NRG1: variants seen among roughly 807,000 people sequenced by gnomAD.
NRG1 encodes neuregulin 1.
In NRG1, 18 loss-of-function variants were observed where a neutral mutation model predicts 63.8. The observed-to-expected ratio is 0.28, with a 90% CI of 0.19 to 0.42. The LOEUF is 0.42. NRG1 is among the 10% of genes least tolerant of loss of function. The pLI is 1.00. For missense variants in NRG1, 762 were observed against 814.7 expected (o/e 0.94, Z 0.79); for synonymous variants, 302 against 301.3 (o/e 1.00, Z -0.02).
At chr8:31,966,122 A>G (rs1238411701) in intron 1 of NRG1, among the ~76,000 whole-genome samples, 2 of 152,160 alleles carry the variant, frequency 1.3e-5, no homozygotes, top group African/African-American at 4.8e-5. Flanking sequence ...AAAAAGAAAC[A>G]AGCATTGTGA....
chr8:32,665,251 T>A (rs565678537), intron 5 of NRG1, among the ~76,000 whole-genome samples: 2 of 152,298 alleles, frequency 1.3e-5, no homozygotes, highest in Non-Finnish European at 2.9e-5. Flanking sequence ...GCATAGTATA[T>A]CCATGGCATC....
intron 11 of NRG1, 66 bp downstream of exon 11, chr8:32,760,472 C>T (rs183568856): frequency 1.2e-5 from 19 of 1,601,344 alleles, no homozygotes; most frequent in Non-Finnish European, 1.4e-5. Flanking sequence ...TGAGCACCTG[C>T]GGTCTCACCT....
At chr8:32,247,631 C>T (rs1044104784) in intron 1 of NRG1, among the ~76,000 whole-genome samples, 1 of 151,952 alleles carries the variant, frequency 6.6e-6, no homozygotes, top group African/African-American at 2.4e-5. Flanking sequence ...AGGATACGGT[C>T]GTGAGTTACT....
chr8:31,858,638 TG>T (rs1037573796), intron 1 of NRG1, among the ~76,000 whole-genome samples: 1 of 152,144 alleles, frequency 6.6e-6, no homozygotes, highest in Non-Finnish European at 1.5e-5. Flanking sequence ...CACTGCTTGG[TG>T]GTCTGCTGCT....
intron 6 of NRG1, among the ~76,000 whole-genome samples, chr8:32,731,614 C>T (rs535247261): frequency 6.8e-4 from 103 of 152,188 alleles, no homozygotes; most frequent in African/African-American, 2.3e-3. Context: ...AAACCTTTCT[C>T]GTTACATGAA....
At chr8:31,885,130 C>A (rs1286150905) in intron 1 of NRG1, among the ~76,000 whole-genome samples, 1 of 152,040 alleles carries the variant, frequency 6.6e-6, no homozygotes, top group Non-Finnish European at 1.5e-5. Context: ...TCATGAAGTG[C>A]AGTATGATTT....
In NRG1 at chr8:32,160,070, G is replaced by C. The variant is rs145713811; in HGVS notation, c.38-435758G>C. Among the ~76,000 whole-genome samples the C allele has an allele frequency of 3.1e-3, 471 of 152,292 alleles. 5 individuals carry two copies. The highest frequency in any genetic ancestry group is 5.8e-3 in the Non-Finnish European group (394 of 68,020). On this transcript the variant is annotated intron_variant, in intron 1 of 10. Coordinates refer to the NRG1 transcript ENST00000519301. ...TTCCCCTGCAAGGCACCTTGTGAAA[G>C]CCTAGTGGGGAGAAATAGTGGGATG...
intron 1 of NRG1, among the ~76,000 whole-genome samples, chr8:32,373,990 A>G (rs141607280): frequency 6.6e-6 from 1 of 152,314 alleles, no homozygotes; most frequent in Non-Finnish European, 1.5e-5. Context: ...TATGGGTAAC[A>G]TTGTATTCCC....
chr8:32,605,169 T>C (rs1171541605), intron 2 of NRG1, among the ~76,000 whole-genome samples: 1 of 152,228 alleles, frequency 6.6e-6, no homozygotes, highest in African/African-American at 2.4e-5. Context: ...AATGATTTTA[T>C]ACATTTTTCT....
intron 1 of NRG1, among the ~76,000 whole-genome samples, chr8:32,540,778 AC>A (rs1832496667): frequency 6.6e-6 from 1 of 152,172 alleles, no homozygotes; most frequent in Admixed American, 6.5e-5. Context: ...AGCTCCCTGC[AC>A]CATTTGAATT....
At chr8:31,639,734 G>C in intron 1 of NRG1, 1 of 1,368,472 alleles carries the variant, frequency 7.3e-7, no homozygotes, top group Non-Finnish European at 9.4e-7. Context: ...CGGTTTTTTT[G>C]CCTTTTCTAT....
intron 1 of NRG1, among the ~76,000 whole-genome samples, chr8:32,380,955 A>G (rs193282628): frequency 3.1e-4 from 47 of 152,270 alleles, no homozygotes; most frequent in African/African-American, 1.1e-3. Context: ...GAAATGTACA[A>G]TAGATTATTG....
intron 1 of NRG1, among the ~76,000 whole-genome samples, chr8:32,003,053 G>A (rs1208768001): frequency 1.3e-5 from 2 of 152,002 alleles, no homozygotes; most frequent in East Asian, 1.9e-4. Flanking sequence ...GAGAGTTTGA[G>A]TTTATGTGCA....
intron 1 of NRG1, among the ~76,000 whole-genome samples, chr8:32,423,932 T>C (rs867906238): frequency 6.6e-6 from 1 of 152,174 alleles, no homozygotes; most frequent in African/African-American, 2.4e-5. Context: ...ACTGGAATAA[T>C]AATGAATGGG....
chr8:32,256,250 T>G (rs1250715688), intron 1 of NRG1, among the ~76,000 whole-genome samples: 1 of 152,138 alleles, frequency 6.6e-6, no homozygotes, highest in African/African-American at 2.4e-5. Flanking sequence ...TTGTGATCCT[T>G]TGGAGGAGAA....
intron 1 of NRG1, among the ~76,000 whole-genome samples, chr8:32,476,567 A>G (rs2129491916): frequency 6.6e-6 from 1 of 152,254 alleles, no homozygotes; most frequent in African/African-American, 2.4e-5. Context: ...CAAGCTCCAG[A>G]GGGTTTATAA....
chr8:31,738,024 T>G (rs1814864884), intron 1 of NRG1, among the ~76,000 whole-genome samples: 1 of 151,836 alleles, frequency 6.6e-6, no homozygotes. Context: ...GGAAACAGAG[T>G]TTTACACACA....
intron 1 of NRG1, among the ~76,000 whole-genome samples, chr8:32,477,434 A>T (rs1054223484): frequency 5.9e-5 from 9 of 152,236 alleles, no homozygotes; most frequent in Non-Finnish European, 8.8e-5. Flanking sequence ...TTCTCCTCAA[A>T]AGTAAAACAG....
At chr8:32,329,970 C>T (rs1802443085) in intron 1 of NRG1, among the ~76,000 whole-genome samples, 1 of 143,226 alleles carries the variant, frequency 7.0e-6, no homozygotes, top group Non-Finnish European at 1.5e-5. Flanking sequence ...AACCCCTGAC[C>T]ACAAAGGGAT....
Sources: gnomAD v4.1 joint callset for allele counts (sites outside exome capture counted in the v4.1 genomes callset) on GRCh38, gnomAD v4.1.1 for gene constraint, MANE v1.5 for transcripts, NCBI Gene and HGNC (gene_info 2026-07-23, HGNC 2026-07-21) for gene names.